Variants in BAG4 observed in about 807,000 individuals in gnomAD.
BAG4 encodes the protein BAG family molecular chaperone regulator 4.
In BAG4, 28 loss-of-function variants were observed where a neutral mutation model predicts 52.1. The ratio of observed to expected loss-of-function variants is 0.54; its 90% CI spans 0.40 to 0.74. The LOEUF is 0.74. Among genes scored for constraint, BAG4 ranks in the 30% least tolerant of loss-of-function variants. The probability of loss-of-function intolerance (pLI) is 0.00; values close to 1 mark genes in which losing one functional copy is unlikely to be tolerated. For missense variants in BAG4, 525 were observed against 572.0 expected (o/e 0.92, Z 0.84); for synonymous variants, 208 against 217.0 (o/e 0.96, Z 0.37).
rs28618339 is a variant in BAG4, at chr8:38,208,309, T to G, written c.633+543T>G. Among the ~76,000 whole-genome samples, 887 of 136,254 alleles carry G rather than the reference T, an allele frequency of 6.5e-3. 6 individuals carry two copies. The highest frequency in any genetic ancestry group is 0.023 in the African/African-American group (797 of 35,234). 89.4% of individuals were successfully genotyped at this position (136,254 alleles called of 152,430 possible). ...CTTTTTTAGCACCCTGTTAGGTTCT[T>G]TTTTTTTTTTTTTTTTTTGAGACGG... On this transcript the variant is annotated intron_variant, in intron 3 of 4. Coordinates refer to ENST00000287322, the MANE Select transcript of BAG4 (RefSeq NM_004874.4).
intron 2 of BAG4, among the ~76,000 whole-genome samples, chr8:38,205,153 C>A (rs945247380): frequency 1.3e-5 from 2 of 151,248 alleles, no homozygotes; most frequent in African/African-American, 4.9e-5. Context: ...GCCTCAGCCT[C>A]CTGTGTAGCT....
At position 38,179,594 on chromosome 8, in the gene BAG4, C is replaced by T. The variant is rs578146581; in HGVS notation, c.270+2455C>T. ...CAGCCTGGCCCACATGGCAAAACCC[C>T]GTCTCTACTAAAAATACAAAAATTA... is the stretch of plus-strand genomic sequence containing the variant. On this transcript the variant is annotated intron_variant, in intron 1 of 4. Transcript: ENST00000287322. Among the ~76,000 whole-genome samples the T allele has an allele frequency of 1.1e-4, 16 of 151,632 alleles. No homozygotes were observed. The East Asian group carries it at 1.8e-3, about 17-fold the overall frequency.
chr8:38,191,448 G>A (rs950448552), intron 1 of BAG4, among the ~76,000 whole-genome samples: 4 of 152,104 alleles, frequency 2.6e-5, no homozygotes, highest in Admixed American at 2.6e-4. Context: ...AATGTCGAAG[G>A]TCCTGTTCAA....
chr8:38,182,223 G>C (rs923087612), intron 1 of BAG4, among the ~76,000 whole-genome samples: 1 of 152,212 alleles, frequency 6.6e-6, no homozygotes, highest in African/African-American at 2.4e-5. Flanking sequence ...TGATTTGTTA[G>C]TGATTATGAA....
intron 1 of BAG4, among the ~76,000 whole-genome samples, chr8:38,183,845 T>C (rs1465312809): frequency 6.6e-6 from 1 of 152,114 alleles, no homozygotes; most frequent in Non-Finnish European, 1.5e-5. Context: ...TTTTGATAGC[T>C]TCCTTGATTT....
intron 1 of BAG4, among the ~76,000 whole-genome samples, chr8:38,187,790 AG>A (rs1229619056): frequency 6.6e-6 from 1 of 150,994 alleles, no homozygotes; most frequent in Non-Finnish European, 1.5e-5. Context: ...TGGGAGGCCA[AG>A]GTGGGCAGAT....
In BAG4 at chr8:38,200,104, C is replaced by G. The variant is rs564714088; in HGVS notation, c.378+7309C>G. Among the ~76,000 whole-genome samples the G allele has an allele frequency of 3.3e-5, 5 of 151,172 alleles. No homozygotes were observed. The East Asian group carries it at 9.8e-4, about 30-fold the overall frequency. ...CACTGAAACCTCTGCTTCCCAGGTT[C>G]AAGTGATTCTTGCCTCAGCCTCCCG... is the stretch of plus-strand genomic sequence containing the variant. On this transcript the variant is annotated intron_variant, in intron 2 of 4. Coordinates refer to ENST00000287322, the MANE Select transcript of BAG4 (RefSeq NM_004874.4).
At chr8:38,190,365 T>C (rs1255682746) in intron 1 of BAG4, among the ~76,000 whole-genome samples, 1 of 152,212 alleles carries the variant, frequency 6.6e-6, no homozygotes, top group African/African-American at 2.4e-5. Context: ...AAGATGTCCA[T>C]TCAGAAAACT....
At chr8:38,206,830 GA>G (rs1478758856) in intron 2 of BAG4, among the ~76,000 whole-genome samples, 1 of 152,044 alleles carries the variant, frequency 6.6e-6, no homozygotes, top group African/African-American at 2.4e-5. Context: ...GCCCAGGCTG[GA>G]GTGCAGTGGT....
chr8:38,197,099 T>G (rs1025276260), intron 2 of BAG4, among the ~76,000 whole-genome samples: 3 of 152,128 alleles, frequency 2.0e-5, no homozygotes, highest in African/African-American at 7.2e-5. Flanking sequence ...AAAAGATTCC[T>G]TGACCATTTT....
At position 38,194,858 on chromosome 8, in the gene BAG4, T is replaced by G. The variant is rs535194936; in HGVS notation, c.378+2063T>G. Among the ~76,000 whole-genome samples, 207 of 148,790 alleles carry G rather than the reference T, an allele frequency of 1.4e-3. 2 individuals are homozygous for G. Among genetic ancestry groups the G allele is most frequent in the East Asian group, 4.0e-3 (20 of 5,048 alleles). Reference sequence around the variant, plus strand: ...GGGTGTTTTTTTTTGTTTTTTTTTTTTTTTGTTTTTTTTTTTGGCCGAGTC... The same window carrying G: ...GGGTGTTTTTTTTTGTTTTTTTTTTGTTTTGTTTTTTTTTTTGGCCGAGTC... On this transcript the variant is annotated intron_variant, in intron 2 of 4. Transcript: ENST00000287322.
chr8:38,196,263 G>A (rs986187394), intron 2 of BAG4, among the ~76,000 whole-genome samples: 2 of 152,100 alleles, frequency 1.3e-5, no homozygotes, highest in East Asian at 3.8e-4. Context: ...ACTAGCAAAC[G>A]GTTTTCCAAA....
At chr8:38,181,043 C>G (rs1245745618) in intron 1 of BAG4, among the ~76,000 whole-genome samples, 3 of 151,508 alleles carry the variant, frequency 2.0e-5, no homozygotes, top group South Asian at 2.1e-4. Flanking sequence ...TGGGTTCACG[C>G]CCTTCTCCTG....
intron 2 of BAG4, among the ~76,000 whole-genome samples, chr8:38,195,400 C>T (rs1023985313): frequency 6.6e-6 from 1 of 152,090 alleles, no homozygotes; most frequent in Non-Finnish European, 1.5e-5. Context: ...GAGATCCTCC[C>T]ACTTCAGCCT....
chr8:38,194,439 T>C (rs1344720067), intron 2 of BAG4, among the ~76,000 whole-genome samples: 2 of 140,550 alleles, frequency 1.4e-5, no homozygotes, highest in African/African-American at 5.3e-5. Flanking sequence ...TTTTTTGAGA[T>C]AGAGTCTCAC....
chr8:38,186,046 CAGA>C (rs1803361535), intron 1 of BAG4, among the ~76,000 whole-genome samples: 1 of 152,146 alleles, frequency 6.6e-6, no homozygotes, highest in Admixed American at 6.5e-5. Context: ...TAGCCTCAGT[CAGA>C]AGGTTTTCAT....
At chr8:38,193,919 A>G (rs2130675716) in intron 2 of BAG4, among the ~76,000 whole-genome samples, 1 of 152,202 alleles carries the variant, frequency 6.6e-6, no homozygotes, top group East Asian at 1.9e-4. Flanking sequence ...TTGTATTTTT[A>G]GTAGAGATGG....
Position 38,176,948 on chromosome 8 carries a change from G to C in BAG4, c.79G>C (p.Asp27His), listed in dbSNP as rs899059377. The change falls in exon 1 of 5, where the codon GAT (aspartate) becomes CAT (histidine). Residue 27 changes from aspartate (D) to histidine (H), a missense_variant. This residue lies in a region of BAG4 where 287 missense variants were observed against 266.1 expected (regional missense o/e 1.08). Transcript: ENST00000287322. ...YGRYYGPGGG[D>H]VPVHPPPPLY... is the part of the protein sequence containing the mutation. ...CCGCTACTACGGGCCTGGGGGTGGA[G>C]ATGTGCCGGTACACCCACCTCCACC... 2.2e-5 allele frequency: 35 copies of C among 1,558,754 alleles called. No individual in the cohort carries two copies. Among genetic ancestry groups the C allele is most frequent in the Non-Finnish European group, 2.9e-5 (33 of 1,151,718 alleles).
intron 1 of BAG4, among the ~76,000 whole-genome samples, chr8:38,177,538 C>T (rs1333899562): frequency 6.6e-6 from 1 of 152,126 alleles, no homozygotes; most frequent in Non-Finnish European, 1.5e-5. Context: ...CCCCCGATGC[C>T]GCTCAGGGAC....
Sources: allele counts gnomAD v4.1 joint callset (sites outside exome capture counted in the v4.1 genomes callset), GRCh38; gene constraint gnomAD v4.1.1; regional missense constraint gnomAD v4.1.1; transcripts MANE v1.5; gene names NCBI Gene and HGNC (gene_info 2026-07-23, HGNC 2026-07-21).